Variants in C1QTNF3 observed in about 807,000 individuals in gnomAD.
C1QTNF3 encodes the protein C1q and TNF related 3.
In C1QTNF3, 26 loss-of-function variants were observed where a neutral mutation model predicts 32.6. That is an observed-to-expected ratio of 0.80 (90% CI 0.58 to 1.11). C1QTNF3 has a LOEUF of 1.11. Among genes scored for constraint, C1QTNF3 ranks in the 50% least tolerant of loss-of-function variants. The pLI is 0.00. For synonymous variants in C1QTNF3, 155 were observed against 146.0 expected, an observed-to-expected ratio of 1.06 and a Z score of -0.44; for missense variants, 362 against 398.2, an observed-to-expected ratio of 0.91 and a Z score of 0.77.
chr5:34,200,587 C>T, the C1QTNF3 span: 1 of 152,132 alleles, frequency 6.6e-6, no homozygotes, highest in African/African-American at 2.4e-5. Flanking sequence ...TGAAGAGTTA[C>T]ATTTTTCAAT....
upstream of C1QTNF3, among the ~76,000 whole-genome samples, chr5:34,047,818 TGAA>T (rs1419107867): frequency 2.6e-5 from 4 of 152,156 alleles, no homozygotes; most frequent in East Asian, 1.9e-4. Context: ...AAATTCCAGT[TGAA>T]GAAGAAGTTT....
At chr5:34,226,544 C>G in the C1QTNF3 span, among the ~76,000 whole-genome samples, 7,380 of 150,182 alleles carry the variant, frequency 0.049, 167 homozygotes, top group Non-Finnish European at 0.063. Flanking sequence ...ATCCTTCCCA[C>G]CATTTAATAT....
the C1QTNF3 span, among the ~76,000 whole-genome samples, chr5:34,128,390 TG>T: frequency 6.6e-6 from 1 of 152,206 alleles, no homozygotes; most frequent in Non-Finnish European, 1.5e-5. Flanking sequence ...GAGTTCCCAC[TG>T]GGGCACTGCC....
the C1QTNF3 span, among the ~76,000 whole-genome samples, chr5:34,078,169 G>C: frequency 5.9e-5 from 9 of 151,712 alleles, no homozygotes; most frequent in African/African-American, 2.2e-4. The surrounding 1 kb of genome is among the most constrained non-coding windows in gnomAD (Gnocchi z 4.0). Context: ...CCCATCCCCT[G>C]CCATTTTATT....
the C1QTNF3 span, among the ~76,000 whole-genome samples, chr5:34,078,225 TTTATTTGG>T: frequency 6.6e-6 from 1 of 151,600 alleles, no homozygotes; most frequent in Non-Finnish European, 1.5e-5. The surrounding 1 kb of genome is among the most constrained non-coding windows in gnomAD (Gnocchi z 4.0). Flanking sequence ...GAATTTTGTT[TTTATTTGG>T]TTTGACCAAG....
the C1QTNF3 span, among the ~76,000 whole-genome samples, chr5:34,137,892 A>C: frequency 6.6e-6 from 1 of 152,228 alleles, no homozygotes; most frequent in Non-Finnish European, 1.5e-5. Flanking sequence ...TTGAATCCCT[A>C]AATCTGAGTA....
At chr5:34,025,456 G>C (rs1561054731) in intron 4 of C1QTNF3, among the ~76,000 whole-genome samples, 1 of 152,228 alleles carries the variant, frequency 6.6e-6, no homozygotes. Flanking sequence ...AAATACCGAA[G>C]TGAGTATGTA....
chr5:34,185,089 G>A, the C1QTNF3 span, among the ~76,000 whole-genome samples: 1 of 152,310 alleles, frequency 6.6e-6, no homozygotes, highest in East Asian at 1.9e-4. Context: ...GCTAATGCCT[G>A]TAATCCCAGC....
chr5:34,085,167 T>G, the C1QTNF3 span, among the ~76,000 whole-genome samples: 3 of 140,974 alleles, frequency 2.1e-5, no homozygotes, highest in Non-Finnish European at 4.6e-5. Context: ...ATTTTTTGTG[T>G]TTTTTTTTTT....
the C1QTNF3 span, among the ~76,000 whole-genome samples, chr5:34,058,397 A>G: frequency 6.6e-6 from 1 of 152,126 alleles, no homozygotes; most frequent in African/African-American, 2.4e-5. Context: ...GCAAGGAGCA[A>G]GATGGAGACT....
At chr5:34,040,936 T>G (rs977606850) in intron 1 of C1QTNF3, among the ~76,000 whole-genome samples, 19 of 152,176 alleles carry the variant, frequency 1.2e-4, no homozygotes, top group Admixed American at 1.2e-3. Context: ...CTGACTTTAT[T>G]TAACACATGG....
chr5:34,096,518 AC>A, the C1QTNF3 span, among the ~76,000 whole-genome samples: 1 of 136,702 alleles, frequency 7.3e-6, no homozygotes, highest in Non-Finnish European at 1.6e-5. Context: ...CCACAGCACA[AC>A]TATAATAACC....
the C1QTNF3 span, among the ~76,000 whole-genome samples, chr5:34,090,743 G>A: frequency 6.6e-6 from 1 of 152,014 alleles, no homozygotes; most frequent in South Asian, 2.1e-4. Context: ...ACTTCAGGGA[G>A]CCCCTTCTTT....
In C1QTNF3 at chr5:34,043,115, C is replaced by T; in HGVS notation, c.11G>A (p.Arg4Lys). MLWRQLIYWQLLAL... is the reference protein window; with the variant it reads MLWKQLIYWQLLAL... Reference sequence around the variant, plus strand: ...CAGCAGTTGCCAATAGATGAGCTGCCTCCAAAGCATGATTCTCAACAGAGC... The same window carrying T: ...CAGCAGTTGCCAATAGATGAGCTGCTTCCAAAGCATGATTCTCAACAGAGC... Residue 4 changes from arginine to lysine, a missense_variant, in exon 1 of 6, where the codon AGG becomes AAG. By Grantham distance (26) the Arg-to-Lys change is conservative (BLOSUM62 2). Coordinates refer to ENST00000382065, the MANE Select transcript of C1QTNF3 (RefSeq NM_181435.6). 1 of 1,612,100 alleles carries T rather than the reference C, an allele frequency of 6.2e-7. No individual in the cohort carries two copies. Among genetic ancestry groups the T allele is most frequent in the Non-Finnish European group, 8.5e-7 (1 of 1,179,674 alleles).
the C1QTNF3 span, among the ~76,000 whole-genome samples, chr5:34,147,900 G>C: frequency 6.6e-6 from 1 of 152,318 alleles, no homozygotes; most frequent in Non-Finnish European, 1.5e-5. Context: ...CTCCCAGCGT[G>C]AGCGACGCAG....
the C1QTNF3 span, among the ~76,000 whole-genome samples, chr5:34,197,402 A>T: frequency 6.6e-6 from 1 of 152,226 alleles, no homozygotes; most frequent in Non-Finnish European, 1.5e-5. Flanking sequence ...TTCTCTTATA[A>T]AAGAAATCCC....
chr5:34,085,226 A>G, the C1QTNF3 span, among the ~76,000 whole-genome samples: 2 of 148,756 alleles, frequency 1.3e-5, no homozygotes, highest in African/African-American at 5.1e-5. Context: ...CGATCTCCTG[A>G]TCTCATGATC....
At chr5:34,210,389 T>A in the C1QTNF3 span, among the ~76,000 whole-genome samples, 1 of 152,086 alleles carries the variant, frequency 6.6e-6, no homozygotes, top group Non-Finnish European at 1.5e-5. Context: ...GTTTATTTAT[T>A]TATTCATTTT....
the C1QTNF3 span, among the ~76,000 whole-genome samples, chr5:34,161,926 C>T: frequency 6.6e-6 from 1 of 152,106 alleles, no homozygotes; most frequent in Non-Finnish European, 1.5e-5. Flanking sequence ...CCTTTGGGTA[C>T]AACCATTTAA....
Sources: gnomAD v4.1 joint callset for allele counts (sites outside exome capture counted in the v4.1 genomes callset) on GRCh38, gnomAD v4.1.1 for gene constraint, Gnocchi (gnomAD v3.1) non-coding constraint, MANE v1.5 for transcripts, NCBI Gene and HGNC (gene_info 2026-07-23, HGNC 2026-07-21) for gene names.